The following RAI1 variants were observed in gnomAD, a reference collection of about 807,000 sequenced individuals.
RAI1 encodes the protein retinoic acid induced 1, also known as retinoic acid-induced protein 1.
RAI1 carries 9 observed loss-of-function variants against 123.8 expected under a neutral mutation model. The ratio of observed to expected loss-of-function variants is 0.07; its 90% CI spans 0.04 to 0.13. The LOEUF is 0.13. Among genes scored for constraint, RAI1 ranks in the 10% least tolerant of loss-of-function variants. RAI1 has a pLI of 1.00. For synonymous variants in RAI1, 1,231 were observed against 1,127.3 expected, an observed-to-expected ratio of 1.09 and a Z score of -1.84; for missense variants, 2,256 against 2,545.8, an observed-to-expected ratio of 0.89 and a Z score of 2.45.
In RAI1 at chr17:17,797,576, G is replaced by C; in HGVS notation, c.4628G>C (p.Gly1543Ala). ...TCCAAGCGGAAGCGCCTCACTCGGG[G>C]CCGGGCCAAGAACACCACCTCTTCA... ...SYSKRKRLTR[G>A]RAKNTTSSPC... Residue 1543 changes from glycine to alanine, a missense_variant, in exon 3 of 6, where the codon GGC becomes GCC. Coordinates refer to ENST00000353383, the MANE Select transcript of RAI1 (RefSeq NM_030665.4). 1 of 1,614,070 alleles carries C rather than the reference G, an allele frequency of 6.2e-7. No individual in the cohort carries two copies. The highest frequency in any genetic ancestry group is 8.5e-7 in the Non-Finnish European group (1 of 1,180,042).
intron 1 of RAI1, among the ~76,000 whole-genome samples, chr17:17,716,667 G>A (rs1915723853): frequency 1.3e-5 from 2 of 152,202 alleles, no homozygotes; most frequent in African/African-American, 4.8e-5. Flanking sequence ...GTGTGATTCT[G>A]TCTGACTCTG....
intron 1 of RAI1, among the ~76,000 whole-genome samples, chr17:17,693,892 G>A (rs1914921403): frequency 6.6e-6 from 1 of 152,188 alleles, no homozygotes; most frequent in Admixed American, 6.5e-5. Context: ...ACTACGTGTG[G>A]ACAGGCATCT....
Position 17,795,295 on chromosome 17 carries a change from G to A in RAI1, c.2347G>A (p.Asp783Asn). The change falls in exon 3 of 6, where the codon GAC becomes AAC. Residue 783 changes from aspartate (D) to asparagine (N), a missense_variant. Asp to Asn is a conservative substitution (Grantham distance 23). Transcript: ENST00000353383. The surrounding 1 kb of genome is among the most constrained non-coding windows in gnomAD (Gnocchi z 5.9). ...GGCCTCAGATGGCATCAGCAAAGGGGACACCCATGAGGCTTCGGCCTGCCT... is the reference window on the plus strand; with the variant it reads ...GGCCTCAGATGGCATCAGCAAAGGGAACACCCATGAGGCTTCGGCCTGCCT... ...GKASDGISKG[D>N]THEASACLGF... is the part of the protein sequence containing the mutation. 1.9e-6 allele frequency: 3 copies of A among 1,612,752 alleles called. No homozygotes were observed. The African/African-American group carries it at 4.0e-5, about 22-fold the overall frequency.
intron 2 of RAI1, among the ~76,000 whole-genome samples, chr17:17,746,170 C>T (rs1010567558): frequency 3.3e-5 from 5 of 152,188 alleles, no homozygotes; most frequent in Non-Finnish European, 7.4e-5. Flanking sequence ...TCCAGGGACA[C>T]GGGTGATAGC....
In RAI1 at chr17:17,797,775, C is replaced by A; in HGVS notation, c.4827C>A (p.Thr1609=). The A allele has an allele frequency of 6.2e-7, 1 of 1,614,136 alleles. No individual in the cohort carries two copies. The highest frequency in any genetic ancestry group is 1.1e-5 in the South Asian group (1 of 91,092). The change falls in exon 3 of 6, where the codon ACC becomes ACA. Residue 1609 remains threonine (T), a synonymous_variant. Coordinates refer to ENST00000353383, the MANE Select transcript of RAI1 (RefSeq NM_030665.4). ...VRVEKRDAFT[T]ICTVVNSPGD... ...TGGAGAAGCGAGACGCGTTCACCAC[C>A]ATATGCACTGTTGTCAACTCCCCTG...
chr17:17,791,178 A>G (rs1305911272), intron 2 of RAI1, among the ~76,000 whole-genome samples: 3 of 152,174 alleles, frequency 2.0e-5, no homozygotes, highest in Non-Finnish European at 4.4e-5. Context: ...TTTGTGGGCC[A>G]GGGCAAGCTG....
At chr17:17,722,828 CCT>C (rs948547337) in intron 1 of RAI1, among the ~76,000 whole-genome samples, 1 of 152,066 alleles carries the variant, frequency 6.6e-6, no homozygotes, top group African/African-American at 2.4e-5. Context: ...TGAAGGCCCC[CCT>C]CTTCTCCGCC....
Position 17,778,926 on chromosome 17 carries a change from G to A in RAI1, c.-16-14007G>A, listed in dbSNP as rs566237779. 33 of 457,090 alleles carry A rather than the reference G, an allele frequency of 7.2e-5. No homozygotes were observed. In the Middle Eastern group the frequency reaches 1.6e-3, roughly 23 times the overall value. 28.3% of individuals were successfully genotyped at this position (457,090 alleles called of 1,614,324 possible). On this transcript the variant is annotated intron_variant, in intron 2 of 5. Coordinates refer to ENST00000353383, the MANE Select transcript of RAI1 (RefSeq NM_030665.4). ...AGGTGAGGCCTGAGGGGGCTGGGGC[G>A]GGGCCTGGGAAGAGGGGCCAGTGCA...
chr17:17,682,182 C>T (rs1463957349), intron 1 of RAI1, among the ~76,000 whole-genome samples: 2 of 136,846 alleles, frequency 1.5e-5, no homozygotes, highest in African/African-American at 5.5e-5. Flanking sequence ...CGCGGGGCGC[C>T]GGGGGCGGAG....
intron 2 of RAI1, among the ~76,000 whole-genome samples, chr17:17,756,477 GTGAGCACTGCACCTGGCA>G (rs2030441978): frequency 6.6e-6 from 1 of 152,182 alleles, no homozygotes; most frequent in Non-Finnish European, 1.5e-5. Context: ...GATTACAGGT[GTGAGCACTGCACCTGGCA>G]TGAATGAATT....
chr17:17,707,444 T>G (rs1212982861), intron 1 of RAI1, among the ~76,000 whole-genome samples: 1 of 152,036 alleles, frequency 6.6e-6, no homozygotes, highest in Non-Finnish European at 1.5e-5. Context: ...GGGAGGTCAG[T>G]GAACCTTGCA....
chr17:17,715,753 C>T (rs1915692759), intron 1 of RAI1, among the ~76,000 whole-genome samples: 2 of 152,194 alleles, frequency 1.3e-5, no homozygotes, highest in Non-Finnish European at 2.9e-5. Flanking sequence ...TTCAAAGTTT[C>T]CCCTGGACTC....
At chr17:17,726,360 C>T (rs188998307) in intron 2 of RAI1, among the ~76,000 whole-genome samples, 1 of 152,282 alleles carries the variant, frequency 6.6e-6, no homozygotes, top group South Asian at 2.1e-4. Context: ...ATAGGTTGGA[C>T]CATGAGACCC....
At chr17:17,798,615 A>G in intron 3 of RAI1, 102 bp downstream of exon 3, 1 of 1,535,952 alleles carries the variant, frequency 6.5e-7, no homozygotes, top group Non-Finnish European at 8.7e-7. Flanking sequence ...GTGTGGGCCA[A>G]ATGTGTCTGC....
intron 2 of RAI1, among the ~76,000 whole-genome samples, chr17:17,787,010 T>C (rs2031848605): frequency 6.6e-6 from 1 of 152,204 alleles, no homozygotes; most frequent in South Asian, 2.1e-4. Flanking sequence ...CATTACACTC[T>C]AGCCTAGGCA....
intron 2 of RAI1, among the ~76,000 whole-genome samples, chr17:17,754,191 C>CTTTTTTTTTTTTTTTTTTTTTTTTTT (rs1158475382): frequency 4.0e-5 from 3 of 75,720 alleles, no homozygotes; most frequent in African/African-American, 1.2e-4. Context: ...CTAACCCAAT[C>CTTTTTTTTTTTTTTTTTTTTTTTTTT]TTTTTTTTTT....
chr17:17,748,766 G>C (rs1276461418), intron 2 of RAI1, among the ~76,000 whole-genome samples: 1 of 152,192 alleles, frequency 6.6e-6, no homozygotes, highest in African/African-American at 2.4e-5. Context: ...GGTAGCACTG[G>C]AGTGAGCAGA....
At chr17:17,694,191 T>C (rs1325971289) in intron 1 of RAI1, among the ~76,000 whole-genome samples, 1 of 152,094 alleles carries the variant, frequency 6.6e-6, no homozygotes, top group Non-Finnish European at 1.5e-5. Flanking sequence ...TTTGGAGTCT[T>C]TGACCGGGGA....
chr17:17,754,424 C>T (rs1295179654), intron 2 of RAI1, among the ~76,000 whole-genome samples: 1 of 151,948 alleles, frequency 6.6e-6, no homozygotes, highest in East Asian at 1.9e-4. Flanking sequence ...TTAGTAGAGA[C>T]GGGGTTTCTC....
Sources: gnomAD v4.1 joint callset for allele counts (sites outside exome capture counted in the v4.1 genomes callset) on GRCh38, gnomAD v4.1.1 for gene constraint, Gnocchi (gnomAD v3.1) non-coding constraint, MANE v1.5 for transcripts, NCBI Gene and HGNC (gene_info 2026-07-23, HGNC 2026-07-21) for gene names.